Variants in RFX3 observed in about 807,000 individuals in gnomAD.
RFX3 encodes regulatory factor X3.
In RFX3, 14 loss-of-function variants were observed where a neutral mutation model predicts 98.6. The ratio of observed to expected loss-of-function variants is 0.14; its 90% CI spans 0.09 to 0.22. The LOEUF (loss-of-function observed/expected upper bound fraction) is 0.22, where lower values mean the gene tolerates loss of function less well. Ranked by LOEUF, RFX3 falls within the 10% of genes least tolerant of loss-of-function variation. The pLI, the probability that RFX3 is intolerant of heterozygous loss-of-function variation, is 1.00. For synonymous variants in RFX3, 383 were observed against 328.4 expected, an observed-to-expected ratio of 1.17 and a Z score of -1.80; for missense variants, 639 against 926.9, an observed-to-expected ratio of 0.69 and a Z score of 4.03.
At chr9:3,405,516 A>G (rs1034879724) in intron 1 of RFX3, among the ~76,000 whole-genome samples, 3 of 152,178 alleles carry the variant, frequency 2.0e-5, no homozygotes, top group African/African-American at 7.2e-5. Flanking sequence ...CTTTCTGCCA[A>G]TAACTGCTGT....
chr9:3,225,773 T>C (rs1040910163), intron 16 of RFX3, among the ~76,000 whole-genome samples: 1 of 152,170 alleles, frequency 6.6e-6, no homozygotes, highest in African/African-American at 2.4e-5. Context: ...TATTATTCCA[T>C]GTATAAACAG....
At chr9:3,443,916 A>G (rs1056992888) in intron 1 of RFX3, among the ~76,000 whole-genome samples, 1 of 152,190 alleles carries the variant, frequency 6.6e-6, no homozygotes, top group Admixed American at 6.5e-5. Flanking sequence ...AAAACTGACC[A>G]CATCAACTGT....
intron 1 of RFX3, among the ~76,000 whole-genome samples, chr9:3,477,516 G>T (rs1849376772): frequency 1.3e-5 from 2 of 152,076 alleles, no homozygotes; most frequent in Admixed American, 1.3e-4. Flanking sequence ...TAGCCTCCAG[G>T]GTTTCTCGTA....
In RFX3 at chr9:3,381,822, C is replaced by T. The variant is rs139172466; in HGVS notation, c.117+13650G>A. ...GAAAAAAGAATCATGAAAAATCATGCCCTTGGTTAGCTAAGCGGATTTACA... is the reference window on the plus strand; with the variant it reads ...GAAAAAAGAATCATGAAAAATCATGTCCTTGGTTAGCTAAGCGGATTTACA... On this transcript the variant is annotated intron_variant, in intron 2 of 16. Transcript: ENST00000617270. Among the ~76,000 whole-genome samples, 906 of 152,186 alleles carry T rather than the reference C, an allele frequency of 6.0e-3. 11 individuals are homozygous for T. Among genetic ancestry groups the T allele is most frequent in the African/African-American group, 0.021 (867 of 41,528 alleles).
At chr9:3,435,015 G>A (rs1022473074) in intron 1 of RFX3, among the ~76,000 whole-genome samples, 1 of 151,296 alleles carries the variant, frequency 6.6e-6, no homozygotes, top group African/African-American at 2.4e-5. Context: ...ACATAGAAAA[G>A]GTACAGTAAA....
intron 15 of RFX3, among the ~76,000 whole-genome samples, chr9:3,242,695 T>C (rs543353243): frequency 1.3e-5 from 2 of 152,276 alleles, no homozygotes; most frequent in African/African-American, 4.8e-5. Flanking sequence ...TTCTAGGTTT[T>C]GAAGATTTTT....
intron 2 of RFX3, among the ~76,000 whole-genome samples, chr9:3,392,632 T>G (rs79254158): frequency 0.031 from 4,693 of 152,112 alleles, 232 homozygotes; most frequent in African/African-American, 0.11. Context: ...GCCCATGAAG[T>G]TTCTAGTACA....
intron 2 of RFX3, among the ~76,000 whole-genome samples, chr9:3,349,962 A>G (rs974100125): frequency 1.1e-4 from 16 of 152,134 alleles, no homozygotes; most frequent in African/African-American, 3.9e-4. Flanking sequence ...ATAAAAATAT[A>G]ATAAGCAAAA....
intron 11 of RFX3, among the ~76,000 whole-genome samples, chr9:3,268,345 G>T (rs1823929298): frequency 6.6e-6 from 1 of 151,694 alleles, no homozygotes; most frequent in Admixed American, 6.6e-5. Context: ...AGGGATTCAT[G>T]TATGTACAAA....
chr9:3,397,809 A>G (rs148203331), intron 1 of RFX3, among the ~76,000 whole-genome samples: 13 of 152,320 alleles, frequency 8.5e-5, no homozygotes, highest in African/African-American at 3.1e-4. Context: ...ACACGCTAAG[A>G]ATTCTTTTAA....
rs1039440437 is a variant in RFX3, at chr9:3,223,061, C to G, written c.*1981G>C. 1 of 152,052 alleles carries G rather than the reference C, an allele frequency of 6.6e-6. No homozygotes were observed. The highest frequency in any genetic ancestry group is 1.5e-5 in the Non-Finnish European group (1 of 68,032). 9.4% of individuals were successfully genotyped at this position (152,052 alleles called of 1,614,324 possible). Reference sequence around the variant, plus strand: ...TACAGACTGGCTCACCTCGTCTTTCCAACCCCCCACCCCCCTTACCCCAAT... The same window carrying G: ...TACAGACTGGCTCACCTCGTCTTTCGAACCCCCCACCCCCCTTACCCCAAT... On this transcript the variant is annotated 3_prime_UTR_variant, in exon 17 of 17. Transcript: ENST00000617270.
chr9:3,442,260 G>T (rs1845672792), intron 1 of RFX3, among the ~76,000 whole-genome samples: 1 of 151,862 alleles, frequency 6.6e-6, no homozygotes, highest in Admixed American at 6.6e-5. Flanking sequence ...TATTACCTTA[G>T]GTAATCAAGG....
intron 11 of RFX3, among the ~76,000 whole-genome samples, chr9:3,267,973 T>G (rs550819815): frequency 2.6e-5 from 4 of 152,032 alleles, no homozygotes; most frequent in African/African-American, 9.6e-5. Context: ...ATTACGGGCC[T>G]TGTTTTATCT....
intron 4 of RFX3, among the ~76,000 whole-genome samples, chr9:3,326,270 G>C (rs1266269042): frequency 2.0e-5 from 3 of 152,004 alleles, no homozygotes; most frequent in Non-Finnish European, 2.9e-5. Flanking sequence ...ATTAGTAGTT[G>C]ATATAATATA....
At chr9:3,491,081 G>C (rs550708766) in intron 1 of RFX3, among the ~76,000 whole-genome samples, 3 of 152,138 alleles carry the variant, frequency 2.0e-5, no homozygotes, top group African/African-American at 7.2e-5. Flanking sequence ...TTTCTTTAAA[G>C]GTAAAGGTGA....
At chr9:3,283,622 A>G (rs551247693) in intron 7 of RFX3, among the ~76,000 whole-genome samples, 19 of 151,902 alleles carry the variant, frequency 1.3e-4, no homozygotes, top group African/African-American at 4.6e-4. Context: ...ATCTATCTAC[A>G]GCCAAAACAA....
At chr9:3,444,798 T>A (rs910797402) in intron 1 of RFX3, among the ~76,000 whole-genome samples, 2 of 152,206 alleles carry the variant, frequency 1.3e-5, no homozygotes, top group African/African-American at 4.8e-5. Flanking sequence ...CTGTATCAGC[T>A]ACACCAATGG....
rs140585985 is a variant in RFX3 at position 3,470,569 on chromosome 9, C to T, written c.-9+55178G>A. The stretch of plus-strand genomic sequence containing the variant: ...GTCTCGATCTCCTGACCTCGTGATC[C>T]GCCCGCCTCGGCCTCCCAGAGTGCT... On this transcript the variant is annotated intron_variant, in intron 1 of 16. Transcript: ENST00000617270. Among the ~76,000 whole-genome samples, 960 of 151,986 alleles carry T rather than the reference C, an allele frequency of 6.3e-3. 12 individuals are homozygous for T. Among genetic ancestry groups the T allele is most frequent in the East Asian group, 0.033 (171 of 5,168 alleles).
chr9:3,357,989 T>C (rs1835972835), intron 2 of RFX3, among the ~76,000 whole-genome samples: 1 of 152,088 alleles, frequency 6.6e-6, no homozygotes, highest in Non-Finnish European at 1.5e-5. Flanking sequence ...TGGTAGCACA[T>C]AGCTTAGTAC....
Sources: allele counts gnomAD v4.1 joint callset (sites outside exome capture counted in the v4.1 genomes callset), GRCh38; gene constraint gnomAD v4.1.1; transcripts MANE v1.5; gene names NCBI Gene and HGNC (gene_info 2026-07-23, HGNC 2026-07-21).